DIS3L2: variants seen among roughly 807,000 people sequenced by gnomAD.
DIS3L2 encodes DIS3-like exonuclease 2.
DIS3L2 carries 34 observed loss-of-function variants against 97.5 expected under a neutral mutation model. That is an observed-to-expected ratio of 0.35 (90% CI 0.27 to 0.46). The LOEUF is 0.46. Ranked by LOEUF, DIS3L2 falls within the 20% of genes least tolerant of loss-of-function variation. The pLI is 1.00. For synonymous variants in DIS3L2, 435 were observed against 445.2 expected (o/e 0.98, Z 0.29); for missense variants, 1,038 against 1,146.0 (o/e 0.91, Z 1.36).
At chr2:232,254,818 A>G (rs886540619) in intron 12 of DIS3L2, among the ~76,000 whole-genome samples, 5 of 152,214 alleles carry the variant, frequency 3.3e-5, no homozygotes, top group Admixed American at 3.3e-4. Flanking sequence ...AAGTAGGCAC[A>G]GGATCCAGGA....
intron 5 of DIS3L2, among the ~76,000 whole-genome samples, chr2:232,081,987 G>A (rs1319147822): frequency 6.6e-6 from 1 of 152,220 alleles, no homozygotes; most frequent in Non-Finnish European, 1.5e-5. Flanking sequence ...ACAGGGTTTC[G>A]CCATGCTGGC....
rs147024782 is a variant in DIS3L2, at chr2:232,124,112, C to T, written c.602-6507C>T. Among the ~76,000 whole-genome samples, 29 of 152,274 alleles carry T rather than the reference C, an allele frequency of 1.9e-4. No homozygotes were observed. The East Asian group carries it at 5.4e-3, about 28-fold the overall frequency. On this transcript the variant is annotated intron_variant, in intron 6 of 20. Coordinates refer to ENST00000325385, the MANE Select transcript of DIS3L2 (RefSeq NM_152383.5). ...CATAAGAAACCACAAACAACAGAAGCAGCTCTTCAAAAACATCATCAGGTA... is the reference window on the plus strand; with the variant it reads ...CATAAGAAACCACAAACAACAGAAGTAGCTCTTCAAAAACATCATCAGGTA...
intron 5 of DIS3L2, among the ~76,000 whole-genome samples, chr2:232,083,287 C>G: frequency 6.9e-6 from 1 of 144,328 alleles, no homozygotes; most frequent in South Asian, 2.4e-4. Context: ...ACCCCCCCCC[C>G]CCCCCCCCAC....
chr2:232,088,907 G>A (rs1462970375), intron 6 of DIS3L2, among the ~76,000 whole-genome samples: 3 of 152,080 alleles, frequency 2.0e-5, no homozygotes, highest in Non-Finnish European at 2.9e-5. Context: ...AATGGAAACC[G>A]ACCAACTCTG....
At chr2:232,297,044 A>G (rs1694741253) in intron 13 of DIS3L2, among the ~76,000 whole-genome samples, 2 of 152,188 alleles carry the variant, frequency 1.3e-5, no homozygotes, top group Admixed American at 1.3e-4. Context: ...GCCAGATGTT[A>G]CTGGCACATA....
intron 1 of DIS3L2, among the ~76,000 whole-genome samples, chr2:231,971,699 G>T (rs1209110407): frequency 6.6e-6 from 1 of 151,922 alleles, no homozygotes; most frequent in African/African-American, 2.4e-5. Flanking sequence ...GCCTGCCTTG[G>T]CCTCCCAAAG....
At chr2:232,161,127 A>G (rs1292290396) in intron 8 of DIS3L2, among the ~76,000 whole-genome samples, 1 of 152,160 alleles carries the variant, frequency 6.6e-6, no homozygotes, top group Non-Finnish European at 1.5e-5. Context: ...CATGTTGACC[A>G]GGATGGTCTC....
At chr2:232,208,479 T>C (rs181989040) in intron 9 of DIS3L2, among the ~76,000 whole-genome samples, 1 of 152,220 alleles carries the variant, frequency 6.6e-6, no homozygotes, top group East Asian at 1.9e-4. Context: ...CCCGGCTAAT[T>C]TTTGTATTTT....
chr2:232,026,082 C>T (rs1005997727), intron 4 of DIS3L2, among the ~76,000 whole-genome samples: 3 of 152,118 alleles, frequency 2.0e-5, no homozygotes, highest in African/African-American at 7.2e-5. Flanking sequence ...TTTGCTGCTT[C>T]CTCTCTTCCC....
At chr2:232,110,034 T>C (rs1328154101) in intron 6 of DIS3L2, among the ~76,000 whole-genome samples, 1 of 152,122 alleles carries the variant, frequency 6.6e-6, no homozygotes, top group Non-Finnish European at 1.5e-5. Context: ...CATTAAAAAG[T>C]AGGCAAAGGA....
At position 232,163,605 on chromosome 2, in the gene DIS3L2, A is replaced by C. The variant is rs765929142; in HGVS notation, c.1097A>C (p.Glu366Ala). 1.4e-5 allele frequency: 22 copies of C among 1,613,762 alleles called. No homozygotes were observed. The highest frequency in any genetic ancestry group is 1.7e-5 in the Non-Finnish European group (20 of 1,180,006). The change falls in exon 9 of 21, where the codon GAG becomes GCG. Residue 366 changes from glutamate (E) to alanine (A), a missense_variant. Coordinates refer to ENST00000325385, the MANE Select transcript of DIS3L2 (RefSeq NM_152383.5). ...PQGLPWTIPP[E>A]EFSKRRDLRK... ...GGCCTGCCATGGACAATTCCACCAG[A>C]GGAGTTCAGCAAGAGAAGGGATTTA...
At chr2:232,050,243 T>A (rs937534802) in intron 5 of DIS3L2, among the ~76,000 whole-genome samples, 6 of 152,160 alleles carry the variant, frequency 3.9e-5, no homozygotes, top group African/African-American at 1.4e-4. Context: ...TTTATTGATT[T>A]CTCTCTTTTC....
chr2:232,026,142 T>C (rs1240739412), intron 4 of DIS3L2, among the ~76,000 whole-genome samples: 1 of 152,128 alleles, frequency 6.6e-6, no homozygotes, highest in Admixed American at 6.6e-5. Context: ...TTGGGTTGGC[T>C]CCTAGCAAGT....
intron 12 of DIS3L2, among the ~76,000 whole-genome samples, chr2:232,259,544 C>T (rs1361486599): frequency 1.3e-5 from 2 of 152,070 alleles, no homozygotes; most frequent in Admixed American, 6.5e-5. Context: ...CTGGGAACCT[C>T]GTGGAACTTG....
chr2:232,059,149 G>A (rs1242235704), intron 5 of DIS3L2, among the ~76,000 whole-genome samples: 1 of 152,156 alleles, frequency 6.6e-6, no homozygotes, highest in African/African-American at 2.4e-5. Context: ...TATACAAAAA[G>A]CTCTGCCCAG....
chr2:232,083,260 C>T lies in DIS3L2; in HGVS notation c.367-4227C>T, dbSNP rs371662927. Reference sequence around the variant, plus strand: ...TTAAGTAAGTAGGCAGGCAGAATCACGCTGATTACAATTTATACCCCCCCC... The same window carrying T: ...TTAAGTAAGTAGGCAGGCAGAATCATGCTGATTACAATTTATACCCCCCCC... On this transcript the variant is annotated intron_variant, in intron 5 of 20. Transcript: ENST00000325385. Among the ~76,000 whole-genome samples the T allele has an allele frequency of 1.5e-4, 21 of 135,608 alleles. No homozygotes were observed. In the East Asian group the frequency reaches 1.8e-3, roughly 11 times the overall value. 89.0% of individuals were successfully genotyped at this position (135,608 alleles called of 152,430 possible).
chr2:232,158,449 C>T (rs1690561720), intron 8 of DIS3L2, among the ~76,000 whole-genome samples: 1 of 152,068 alleles, frequency 6.6e-6, no homozygotes, highest in Non-Finnish European at 1.5e-5. Context: ...ATCACCCTTT[C>T]AATTTGTTTT....
chr2:232,074,277 G>A (rs1242079514), intron 5 of DIS3L2, among the ~76,000 whole-genome samples: 7 of 152,284 alleles, frequency 4.6e-5, no homozygotes, highest in Non-Finnish European at 2.9e-5. Context: ...GTTAATGGAG[G>A]ACATTGCTGT....
chr2:232,338,183 T>C (rs2860351), downstream of DIS3L2, among the ~76,000 whole-genome samples: 123 of 151,206 alleles, frequency 8.1e-4, no homozygotes, highest in African/African-American at 2.8e-3. Flanking sequence ...CTCCCCTCCA[T>C]GCTGCCCACC....
Sources: allele counts gnomAD v4.1 joint callset (sites outside exome capture counted in the v4.1 genomes callset), GRCh38; gene constraint gnomAD v4.1.1; transcripts MANE v1.5; gene names NCBI Gene and HGNC (gene_info 2026-07-23, HGNC 2026-07-21).